Variants in KLHL12 observed in about 807,000 individuals in gnomAD.
KLHL12 encodes kelch like family member 12, also known as kelch-like protein 12.
KLHL12 carries 17 observed loss-of-function variants against 60.8 expected under a neutral mutation model. That is an observed-to-expected ratio of 0.28 (90% CI 0.19 to 0.42). The LOEUF (loss-of-function observed/expected upper bound fraction) is 0.42. Ranked by LOEUF, KLHL12 falls within the 10% of genes least tolerant of loss-of-function variation. The probability of loss-of-function intolerance (pLI) is 1.00; values close to 1 mark genes in which losing one functional copy is unlikely to be tolerated. For missense variants in KLHL12, 468 were observed against 722.3 expected, an observed-to-expected ratio of 0.65 and a Z score of 4.04; for synonymous variants, 220 against 250.9, an observed-to-expected ratio of 0.88 and a Z score of 1.16.
intron 2 of KLHL12, among the ~76,000 whole-genome samples, chr1:202,921,323 T>C (rs1464691164): frequency 6.6e-6 from 1 of 152,202 alleles, no homozygotes; most frequent in Non-Finnish European, 1.5e-5. Flanking sequence ...TACAGGCACA[T>C]GCCACCATGC....
chr1:202,894,619 T>C lies in KLHL12; in HGVS notation c.1266A>G (p.Val422=). ...GACAGTAGATCACTCCACTGGCCAC[T>C]ACGAGTCCGGCACCTTCCCGGGCTG... ...MQTAREGAGL[V]VASGVIYCLG... The change falls in exon 9 of 12, where the codon GTA becomes GTG. Residue 422 remains valine (V), a synonymous_variant. Transcript: ENST00000367261. The C allele has an allele frequency of 1.2e-6, 2 of 1,614,152 alleles. No individual in the cohort carries two copies. Among genetic ancestry groups the C allele is most frequent in the Non-Finnish European group, 1.7e-6 (2 of 1,180,028 alleles).
intron 1 of KLHL12, 147 bp downstream of exon 1, chr1:202,926,942 C>T (rs966089318): frequency 5.7e-6 from 3 of 525,898 alleles, no homozygotes; most frequent in South Asian, 8.2e-5. Context: ...AGGCCAGATG[C>T]CCCACCCCAC....
chr1:202,921,084 C>T (rs1049298822), intron 2 of KLHL12, among the ~76,000 whole-genome samples: 2 of 152,054 alleles, frequency 1.3e-5, no homozygotes, highest in Non-Finnish European at 2.9e-5. Flanking sequence ...GATCTCAGCT[C>T]ACTGCAACCT....
At chr1:202,920,578 G>A (rs371825905) in intron 2 of KLHL12, among the ~76,000 whole-genome samples, 1 of 151,242 alleles carries the variant, frequency 6.6e-6, no homozygotes, top group Non-Finnish European at 1.5e-5. Context: ...GGGTTTCACC[G>A]TGTTAGCCAG....
At chr1:202,892,939 G>C (rs1013029747) in intron 11 of KLHL12, among the ~76,000 whole-genome samples, 3 of 152,162 alleles carry the variant, frequency 2.0e-5, no homozygotes, top group Non-Finnish European at 4.4e-5. Context: ...CACTTTGGGA[G>C]ACTGAGGTGG....
In KLHL12 at chr1:202,927,158, GC is replaced by G; in HGVS notation, c.-116del. 1.0e-6 allele frequency: 1 copy of G among 985,374 alleles called. No individual in the cohort carries two copies. Among genetic ancestry groups the G allele is most frequent in the Non-Finnish European group, 1.2e-6 (1 of 829,970 alleles). The allele number at this position is 985,374 out of a possible 1,614,324, so 61.0% of individuals were successfully genotyped here. On this transcript the variant is annotated 5_prime_UTR_variant, in exon 1 of 12. Transcript: ENST00000367261. ...CTGTGGGGATGGAGTGCGGCGCGGG[GC>G]TAGCAGGCGGCTCGGGAGGAGCCGA... is the stretch of plus-strand genomic sequence containing the variant.
In KLHL12 at chr1:202,927,161, A is replaced by G. The variant is rs372009814; in HGVS notation, c.-118T>C. On this transcript the variant is annotated 5_prime_UTR_variant, in exon 1 of 12. Transcript: ENST00000367261. ...TGGGGATGGAGTGCGGCGCGGGGCT[A>G]GCAGGCGGCTCGGGAGGAGCCGAAG... 2.2e-5 allele frequency: 22 copies of G among 985,242 alleles called. 1 individual carries two copies. The highest frequency in any genetic ancestry group is 2.3e-4 in the East Asian group (2 of 8,730). 61.0% of individuals were successfully genotyped at this position (985,242 alleles called of 1,614,324 possible). A position where few individuals can be genotyped will look rare whatever the true frequency, so the allele number is the denominator to read the frequency against.
intron 4 of KLHL12, chr1:202,912,520 A>T: frequency 1.0e-6 from 1 of 984,182 alleles, no homozygotes; most frequent in Non-Finnish European, 1.6e-6. Context: ...GTAATGATGG[A>T]AGCAATTTTG....
chr1:202,919,890 G>T lies in KLHL12; in HGVS notation c.214C>A (p.Pro72Thr). The change falls in exon 3 of 12, where the codon CCT becomes ACT. Residue 72 changes from proline (P) to threonine (T), a missense_variant. Pro to Thr is a conservative substitution (Grantham distance 38). Around this residue, in one of 4 missense-constraint regions of KLHL12, gnomAD observed 339 missense variants for 525.0 expected, o/e 0.65. Coordinates refer to ENST00000367261, the MANE Select transcript of KLHL12 (RefSeq NM_021633.4). ...GTCAAACCTTGGATGTCAACATAAG[G>T]TTTCCCCTTCTCTGAGAGCTGAAAA... ...FTSELSEKGK[P>T]YVDIQGLTAS... 1 of 1,613,380 alleles carries T rather than the reference G, an allele frequency of 6.2e-7. No individual in the cohort carries two copies. The highest frequency in any genetic ancestry group is 8.5e-7 in the Non-Finnish European group (1 of 1,179,744).
chr1:202,906,180 C>T lies in KLHL12; in HGVS notation c.832+2830G>A, dbSNP rs1474941041. Among the ~76,000 whole-genome samples the T allele has an allele frequency of 5.4e-5, 8 of 147,252 alleles. No homozygotes were observed. The East Asian group carries it at 8.2e-4, about 15-fold the overall frequency. ...AAAAAACAAAAGTAATGGCCAGGCG[C>T]GGTGGCTCATGCCCGTAATCCCAGC... On this transcript the variant is annotated intron_variant, in intron 6 of 11. Coordinates refer to ENST00000367261, the MANE Select transcript of KLHL12 (RefSeq NM_021633.4).
intron 4 of KLHL12, among the ~76,000 whole-genome samples, chr1:202,915,490 T>TA (rs1173281363): frequency 6.6e-6 from 1 of 152,138 alleles, no homozygotes; most frequent in Non-Finnish European, 1.5e-5. Context: ...AAACTACACA[T>TA]AAGAGTTCTC....
intron 6 of KLHL12, among the ~76,000 whole-genome samples, chr1:202,897,926 A>G (rs542207416): frequency 2.6e-5 from 4 of 152,162 alleles, no homozygotes; most frequent in Non-Finnish European, 5.9e-5. Flanking sequence ...ATATGATCAC[A>G]TTCCCTGCCA....
Position 202,909,029 on chromosome 1 carries a change from G to T in KLHL12, c.813C>A (p.Pro271=), listed in dbSNP as rs1282881658. 6.2e-7 allele frequency: 1 copy of T among 1,612,974 alleles called. No individual in the cohort carries two copies. The highest frequency in any genetic ancestry group is 8.5e-7 in the Non-Finnish European group (1 of 1,179,162). ...GCTTACCTAGGCGAGCCCTTGTCCT[G>T]GGTCCCTGCATCTGACTCCGAAGTT... The part of the protein sequence containing the change: ...RPELRSQMQG[P]RTRARLGANE... The change falls in exon 6 of 12, where the codon CCC becomes CCA. Residue 271 remains proline (P), a synonymous_variant. Coordinates refer to ENST00000367261, the MANE Select transcript of KLHL12 (RefSeq NM_021633.4). This position sits in a 1 kb window ranked among gnomAD's most constrained non-coding sequence, Gnocchi z 4.1.
intron 7 of KLHL12, among the ~76,000 whole-genome samples, chr1:202,896,189 T>C (rs1659827177): frequency 2.0e-5 from 3 of 152,014 alleles, no homozygotes; most frequent in Admixed American, 2.0e-4. Context: ...GGGAGACAGA[T>C]ACAAACTTTT....
intron 4 of KLHL12, among the ~76,000 whole-genome samples, chr1:202,915,604 T>C (rs775461630): frequency 3.9e-5 from 6 of 152,268 alleles, no homozygotes; most frequent in Non-Finnish European, 7.3e-5. Flanking sequence ...AAATGACTTC[T>C]ATGATTATTT....
rs1220119536 is a variant in KLHL12 at position 202,903,629 on chromosome 1, C to CTTTTTTTTTTTTTTTTTTTTT, written c.832+5380_832+5381insAAAAAAAAAAAAAAAAAAAAA. Among the ~76,000 whole-genome samples the CTTTTTTTTTTTTTTTTTTTTT allele has an allele frequency of 1.1e-3, 85 of 76,084 alleles. 15 individuals carry two copies. The highest frequency in any genetic ancestry group is 1.3e-3 in the East Asian group (3 of 2,298). 49.9% of individuals were successfully genotyped at this position (76,084 alleles called of 152,430 possible). On this transcript the variant is annotated intron_variant, in intron 6 of 11. Coordinates refer to ENST00000367261, the MANE Select transcript of KLHL12 (RefSeq NM_021633.4). ...CTGGGACCACTAATTTTTTTCTTTT[C>CTTTTTTTTTTTTTTTTTTTTT]TTTTTTTTTTTGAAACGGCGTCTTG... is the stretch of plus-strand genomic sequence containing the variant.
chr1:202,902,392 T>C (rs983539975), intron 6 of KLHL12, among the ~76,000 whole-genome samples: 1 of 151,560 alleles, frequency 6.6e-6, no homozygotes, highest in Non-Finnish European at 1.5e-5. Context: ...ATCACACCAT[T>C]GCCCTCCAGC....
chr1:202,920,052 G>C, intron 2 of KLHL12, 144 bp from the exon 3 acceptor site: 1 of 736,384 alleles, frequency 1.4e-6, no homozygotes. Context: ...GGTGGCTCAT[G>C]CCTGTAATCC....
chr1:202,904,035 T>C (rs1660109543), intron 6 of KLHL12, among the ~76,000 whole-genome samples: 1 of 152,040 alleles, frequency 6.6e-6, no homozygotes, highest in Admixed American at 6.6e-5. Flanking sequence ...TATCTATCTA[T>C]GAGATGGAGT....
Sources: gnomAD v4.1 joint callset for allele counts (sites outside exome capture counted in the v4.1 genomes callset) on GRCh38, gnomAD v4.1.1 for gene constraint, gnomAD v4.1.1 regional missense constraint, Gnocchi (gnomAD v3.1) non-coding constraint, MANE v1.5 for transcripts, NCBI Gene and HGNC (gene_info 2026-07-23, HGNC 2026-07-21) for gene names.